Variants in SPSB1 observed in about 807,000 individuals in gnomAD.
The protein encoded by SPSB1 is splA/ryanodine receptor domain and SOCS box containing 1, also known as SPRY domain-containing SOCS box protein 1.
Under a neutral mutation model 21.2 loss-of-function variants are expected in SPSB1, and 8 were observed. The ratio of observed to expected loss-of-function variants is 0.38; its 90% CI spans 0.22 to 0.68. The LOEUF (loss-of-function observed/expected upper bound fraction) is 0.68. SPSB1 is among the 30% of genes least tolerant of loss of function. The pLI is 0.53. For missense variants in SPSB1, 242 were observed against 377.8 expected, an observed-to-expected ratio of 0.64 and a Z score of 2.98; for synonymous variants, 169 against 161.7, an observed-to-expected ratio of 1.05 and a Z score of -0.34.
chr1:9,364,987 G>A (rs1208192685), intron 2 of SPSB1, among the ~76,000 whole-genome samples: 1 of 152,158 alleles, frequency 6.6e-6, no homozygotes, highest in Non-Finnish European at 1.5e-5. Context: ...GAGTAGCCGG[G>A]ACTACAGGCC....
chr1:9,343,500 A>G (rs1304585671), intron 1 of SPSB1, among the ~76,000 whole-genome samples: 1 of 152,178 alleles, frequency 6.6e-6, no homozygotes, highest in Non-Finnish European at 1.5e-5. Flanking sequence ...TTGTTTATCC[A>G]TGCATCCATT....
At chr1:9,308,984 A>G (rs1285786223) in intron 1 of SPSB1, among the ~76,000 whole-genome samples, 1 of 151,974 alleles carries the variant, frequency 6.6e-6, no homozygotes, top group Non-Finnish European at 1.5e-5. Flanking sequence ...CTGGGCGGGC[A>G]CCAGGCCTGC....
intron 1 of SPSB1, among the ~76,000 whole-genome samples, chr1:9,296,770 A>G (rs1228147850): frequency 6.6e-6 from 1 of 152,260 alleles, no homozygotes; most frequent in East Asian, 1.9e-4. Flanking sequence ...CGGGAGATGT[A>G]CGTCCTTTCT....
intron 1 of SPSB1, among the ~76,000 whole-genome samples, chr1:9,295,373 C>T (rs1175809343): frequency 6.6e-6 from 1 of 152,192 alleles, no homozygotes. Context: ...GTGGCTCAGA[C>T]AGCCCCGAGC....
At chr1:9,362,764 A>G (rs1355848374) in intron 2 of SPSB1, among the ~76,000 whole-genome samples, 1 of 152,228 alleles carries the variant, frequency 6.6e-6, no homozygotes, top group East Asian at 1.9e-4. Context: ...CGTTTCTCAC[A>G]GAAATGTGGA....
intron 1 of SPSB1, among the ~76,000 whole-genome samples, chr1:9,354,356 A>G (rs1640326186): frequency 6.6e-6 from 1 of 152,068 alleles, no homozygotes; most frequent in African/African-American, 2.4e-5. Flanking sequence ...AGGCTCCTTT[A>G]GTTCCATTTC....
intron 1 of SPSB1, among the ~76,000 whole-genome samples, chr1:9,336,494 G>A (rs1472027680): frequency 6.6e-6 from 1 of 152,140 alleles, no homozygotes; most frequent in African/African-American, 2.4e-5. Flanking sequence ...CCAAAGTGCT[G>A]GGATTACAGG....
intron 1 of SPSB1, among the ~76,000 whole-genome samples, chr1:9,340,696 C>T (rs1640077165): frequency 6.6e-6 from 1 of 152,248 alleles, no homozygotes; most frequent in Non-Finnish European, 1.5e-5. Context: ...TCCCTGCCAC[C>T]GAGGGGCGTG....
chr1:9,343,848 C>G (rs1466589924), intron 1 of SPSB1, among the ~76,000 whole-genome samples: 1 of 152,072 alleles, frequency 6.6e-6, no homozygotes, highest in Non-Finnish European at 1.5e-5. Flanking sequence ...TGCAGTGGCG[C>G]GATCTCGGCT....
At chr1:9,310,266 C>T (rs533301504) in intron 1 of SPSB1, among the ~76,000 whole-genome samples, 1 of 152,166 alleles carries the variant, frequency 6.6e-6, no homozygotes, top group Non-Finnish European at 1.5e-5. Context: ...GGGTTGATCC[C>T]AGGAAGCTTC....
At chr1:9,326,194 C>T (rs2100488096) in intron 1 of SPSB1, among the ~76,000 whole-genome samples, 1 of 151,952 alleles carries the variant, frequency 6.6e-6, no homozygotes, top group African/African-American at 2.4e-5. Flanking sequence ...TTTTGGTGCT[C>T]ATGAGAAGAC....
At chr1:9,359,693 C>T (rs556512506) in intron 2 of SPSB1, among the ~76,000 whole-genome samples, 4 of 142,572 alleles carry the variant, frequency 2.8e-5, no homozygotes, top group African/African-American at 1.0e-4. Context: ...CAGAGCAAGA[C>T]TCCGTCTCTG....
intron 1 of SPSB1, among the ~76,000 whole-genome samples, chr1:9,296,999 G>A (rs1557442720): frequency 6.6e-6 from 1 of 152,192 alleles, no homozygotes; most frequent in Non-Finnish European, 1.5e-5. Flanking sequence ...AGGCTCTCGG[G>A]GCCTTTCTTG....
intron 1 of SPSB1, among the ~76,000 whole-genome samples, chr1:9,338,606 G>A (rs1640041539): frequency 6.6e-6 from 1 of 152,274 alleles, no homozygotes; most frequent in African/African-American, 2.4e-5. Context: ...AGTTGCCTGG[G>A]AACCAGAGAG....
chr1:9,329,687 C>T (rs2100491136), intron 1 of SPSB1, among the ~76,000 whole-genome samples: 1 of 132,250 alleles, frequency 7.6e-6, no homozygotes, highest in Non-Finnish European at 1.6e-5. Flanking sequence ...AGTGAGACCT[C>T]ATTTCAAAAA....
At position 9,345,680 on chromosome 1, in the gene SPSB1, G is replaced by A. The variant is rs1334378877; in HGVS notation, c.-149-10063G>A. Among the ~76,000 whole-genome samples, 1 of 152,198 alleles carries A rather than the reference G, an allele frequency of 6.6e-6. No homozygotes were observed. The highest frequency in any genetic ancestry group is 1.5e-5 in the Non-Finnish European group (1 of 68,036). On this transcript the variant is annotated intron_variant, in intron 1 of 2. Transcript: ENST00000328089. This position sits in a 1 kb window ranked among gnomAD's most constrained non-coding sequence, Gnocchi z 4.8. Reference sequence around the variant, plus strand: ...CCACTGATTCGAGCCCTCTGAAAGTGCTGTGAGTCATCTGGGCCCTTCCAT... The same window carrying A: ...CCACTGATTCGAGCCCTCTGAAAGTACTGTGAGTCATCTGGGCCCTTCCAT...
At chr1:9,300,959 C>T (rs1051510971) in intron 1 of SPSB1, among the ~76,000 whole-genome samples, 9 of 152,200 alleles carry the variant, frequency 5.9e-5, no homozygotes, top group Admixed American at 3.3e-4. Flanking sequence ...AGGCACAACC[C>T]GAAAGTGGAC....
At chr1:9,343,994 T>C (rs890528132) in intron 1 of SPSB1, among the ~76,000 whole-genome samples, 1 of 152,184 alleles carries the variant, frequency 6.6e-6, no homozygotes, top group African/African-American at 2.4e-5. Flanking sequence ...TTCACCGTGT[T>C]AGCCAGGATG....
intron 1 of SPSB1, among the ~76,000 whole-genome samples, chr1:9,295,191 A>AGT (rs146610581): frequency 2.3e-3 from 328 of 145,008 alleles, no homozygotes; most frequent in South Asian, 4.0e-3. Flanking sequence ...CAGTAGATGG[A>AGT]GTGTGTGTGT....
Sources: gnomAD v4.1 joint callset for allele counts (sites outside exome capture counted in the v4.1 genomes callset) on GRCh38, gnomAD v4.1.1 for gene constraint, Gnocchi (gnomAD v3.1) non-coding constraint, MANE v1.5 for transcripts, NCBI Gene and HGNC (gene_info 2026-07-23, HGNC 2026-07-21) for gene names.